FAM174A: variants seen among roughly 807,000 people sequenced by gnomAD.
FAM174A encodes the protein family with sequence similarity 174 member A, also known as membrane protein FAM174A.
FAM174A carries 14 observed loss-of-function variants against 14.3 expected under a neutral mutation model. The observed-to-expected ratio is 0.98, with a 90% CI of 0.65 to 1.53. The LOEUF is 1.53. FAM174A is among the 40% of genes most tolerant of loss of function. The probability of loss-of-function intolerance (pLI) is 0.00; values close to 1 mark genes in which losing one functional copy is unlikely to be tolerated. For synonymous variants in FAM174A, 108 were observed against 111.4 expected (o/e 0.97, Z 0.19); for missense variants, 241 against 249.6 (o/e 0.97, Z 0.23).
At chr5:100,553,802 A>T (rs2112375817) in intron 1 of FAM174A, among the ~76,000 whole-genome samples, 1 of 152,300 alleles carries the variant, frequency 6.6e-6, no homozygotes, top group Non-Finnish European at 1.5e-5. Flanking sequence ...TAGGCTATAT[A>T]CAGATAGGGA....
chr5:100,573,429 A>T (rs1017443763), intron 2 of FAM174A, among the ~76,000 whole-genome samples: 4 of 151,994 alleles, frequency 2.6e-5, no homozygotes, highest in Non-Finnish European at 4.4e-5. Context: ...TGATTTTTGT[A>T]TAAGGTGTAA....
intron 2 of FAM174A, among the ~76,000 whole-genome samples, chr5:100,564,531 TA>T (rs2112388359): frequency 6.6e-6 from 1 of 151,710 alleles, no homozygotes; most frequent in East Asian, 1.9e-4. Flanking sequence ...GGGAAATAAT[TA>T]AGATTATAAT....
At chr5:100,557,713 GT>G (rs1746424213) in intron 1 of FAM174A, among the ~76,000 whole-genome samples, 1 of 152,124 alleles carries the variant, frequency 6.6e-6, no homozygotes, top group African/African-American at 2.4e-5. Context: ...AGATTTTCTA[GT>G]TTATTTGTGT....
rs1746538619 is a variant in FAM174A, at chr5:100,562,179, A to G, written c.560A>G (p.His187Arg). The change falls in exon 2 of 3, where the codon CAT (histidine) becomes CGT (arginine). Residue 187 changes from histidine to arginine, a missense_variant. His to Arg is a conservative substitution (Grantham distance 29, BLOSUM62 0). Coordinates refer to ENST00000312637, the MANE Select transcript of FAM174A (RefSeq NM_198507.3). ...GACAACACGTTGTTTGATGCCAATCATCCTCGAAGGTAAGTATTCCAGTAG... is the reference window on the plus strand; with the variant it reads ...GACAACACGTTGTTTGATGCCAATCGTCCTCGAAGGTAAGTATTCCAGTAG... ...DDDNTLFDAN[H>R]PRR 1 of 1,577,052 alleles carries G rather than the reference A, an allele frequency of 6.3e-7. No homozygotes were observed. The highest frequency in any genetic ancestry group is 8.6e-7 in the Non-Finnish European group (1 of 1,165,228).
intron 1 of FAM174A, among the ~76,000 whole-genome samples, chr5:100,546,278 G>C (rs547216950): frequency 6.6e-6 from 1 of 152,220 alleles, no homozygotes; most frequent in African/African-American, 2.4e-5. Flanking sequence ...ATGCACAGGA[G>C]CTTTCAAATG....
intron 2 of FAM174A, among the ~76,000 whole-genome samples, chr5:100,585,554 C>T (rs915063018): frequency 6.6e-6 from 1 of 152,132 alleles, no homozygotes. Flanking sequence ...GCTGGGATTA[C>T]AGGAGTGCGC....
chr5:100,575,422 C>T (rs887391254), intron 2 of FAM174A, among the ~76,000 whole-genome samples: 5 of 152,036 alleles, frequency 3.3e-5, no homozygotes. Flanking sequence ...GCATAACAGG[C>T]CCCAGTGTGT....
At chr5:100,572,071 G>A (rs1746793363) in intron 2 of FAM174A, among the ~76,000 whole-genome samples, 1 of 151,790 alleles carries the variant, frequency 6.6e-6, no homozygotes, top group South Asian at 2.1e-4. Flanking sequence ...TTTAAGAACT[G>A]TTGAAAGTTT....
At chr5:100,550,411 G>A (rs886493586) in intron 1 of FAM174A, among the ~76,000 whole-genome samples, 2 of 152,094 alleles carry the variant, frequency 1.3e-5, no homozygotes, top group Admixed American at 1.3e-4. Flanking sequence ...TTCCAAGGGT[G>A]ATAATTTATA....
At chr5:100,578,097 C>T (rs1368022406) in intron 2 of FAM174A, among the ~76,000 whole-genome samples, 7 of 151,980 alleles carry the variant, frequency 4.6e-5, no homozygotes, top group African/African-American at 7.2e-5. Flanking sequence ...ATTGCTATAA[C>T]CAGAGTAGCA....
intron 2 of FAM174A, among the ~76,000 whole-genome samples, chr5:100,585,793 A>G (rs1437691350): frequency 6.6e-6 from 1 of 152,174 alleles, no homozygotes; most frequent in Non-Finnish European, 1.5e-5. Context: ...TTTAGAATAT[A>G]TTTATTGAAA....
chr5:100,557,276 G>T (rs1225729061), intron 1 of FAM174A, among the ~76,000 whole-genome samples: 1 of 152,064 alleles, frequency 6.6e-6, no homozygotes, highest in Non-Finnish European at 1.5e-5. Context: ...TTGCATCGCA[G>T]GGATGAAGCC....
At chr5:100,559,075 C>G (rs1378763150) in intron 1 of FAM174A, among the ~76,000 whole-genome samples, 1 of 152,080 alleles carries the variant, frequency 6.6e-6, no homozygotes, top group Non-Finnish European at 1.5e-5. Context: ...GGGGCTGGTA[C>G]CAATTGTTCC....
chr5:100,567,359 G>GAACAA (rs1354197327), intron 2 of FAM174A, among the ~76,000 whole-genome samples: 13 of 151,510 alleles, frequency 8.6e-5, no homozygotes, highest in African/African-American at 2.7e-4. Context: ...TTAGAGAGCA[G>GAACAA]AACAAAACAA....
intron 2 of FAM174A, among the ~76,000 whole-genome samples, chr5:100,579,672 C>A (rs910835033): frequency 3.3e-5 from 5 of 152,094 alleles, no homozygotes; most frequent in Non-Finnish European, 7.4e-5. Context: ...GTAATCTACC[C>A]ACCTCAGTCA....
At chr5:100,555,903 T>G (rs1218254887) in intron 1 of FAM174A, among the ~76,000 whole-genome samples, 2 of 152,166 alleles carry the variant, frequency 1.3e-5, no homozygotes, top group Admixed American at 1.3e-4. Context: ...GCCTGTTCAC[T>G]CTGATGGTAG....
rs112872849 is a variant in FAM174A at position 100,537,933 on chromosome 5, A to G, written c.434+1969A>G. Among the ~76,000 whole-genome samples, 1,240 of 152,086 alleles carry G rather than the reference A, an allele frequency of 8.2e-3. 14 individuals carry two copies. The highest frequency in any genetic ancestry group is 0.028 in the African/African-American group (1,180 of 41,498). On this transcript the variant is annotated intron_variant, in intron 1 of 2. Transcript: ENST00000312637. ...ATTTTAAATACACATATTTATTACCATTGATTTTCTGTCATTAATGTTGTA... is the reference window on the plus strand; with the variant it reads ...ATTTTAAATACACATATTTATTACCGTTGATTTTCTGTCATTAATGTTGTA...
intron 2 of FAM174A, among the ~76,000 whole-genome samples, chr5:100,572,256 T>G (rs1746799503): frequency 6.6e-6 from 1 of 151,424 alleles, no homozygotes; most frequent in Admixed American, 6.6e-5. Context: ...ACGTCTTTTT[T>G]TTTTTTAATT....
At chr5:100,566,840 T>C (rs1746663257) in intron 2 of FAM174A, among the ~76,000 whole-genome samples, 1 of 151,888 alleles carries the variant, frequency 6.6e-6, no homozygotes, top group Non-Finnish European at 1.5e-5. Context: ...AAAAGTCATT[T>C]TGAAAATTTT....
Sources: allele counts gnomAD v4.1 joint callset (sites outside exome capture counted in the v4.1 genomes callset), GRCh38; gene constraint gnomAD v4.1.1; transcripts MANE v1.5; gene names NCBI Gene and HGNC (gene_info 2026-07-23, HGNC 2026-07-21).